LRRC37A2: variants seen among roughly 807,000 people sequenced by gnomAD.
LRRC37A2 encodes leucine rich repeat containing 37 member A2.
LRRC37A2 carries 9 observed loss-of-function variants against 68.8 expected under a neutral mutation model. That is an observed-to-expected ratio of 0.13 (90% CI 0.08 to 0.23). The LOEUF (loss-of-function observed/expected upper bound fraction) is 0.23, where lower values mean the gene tolerates loss of function less well. Ranked by LOEUF, LRRC37A2 falls within the 10% of genes least tolerant of loss-of-function variation. LRRC37A2 has a pLI of 1.00. For synonymous variants in LRRC37A2, 63 were observed against 367.6 expected, an observed-to-expected ratio of 0.17 and a Z score of 9.48; for missense variants, 168 against 950.4, an observed-to-expected ratio of 0.18 and a Z score of 10.82.
chr17:46,996,785 A>G, the LRRC37A2 span, among the ~76,000 whole-genome samples: 1 of 152,246 alleles, frequency 6.6e-6, no homozygotes, highest in Non-Finnish European at 1.5e-5. Flanking sequence ...CGCTGGGATG[A>G]CAGGCATGAG....
the LRRC37A2 span, among the ~76,000 whole-genome samples, chr17:46,737,777 T>C: frequency 6.6e-6 from 1 of 151,942 alleles, no homozygotes; most frequent in Non-Finnish European, 1.5e-5. Context: ...TCACAAATAG[T>C]AGTTTCGGAT....
chr17:46,493,719 AG>A, the LRRC37A2 span, among the ~76,000 whole-genome samples: 1 of 149,586 alleles, frequency 6.7e-6, no homozygotes, highest in African/African-American at 2.5e-5. Flanking sequence ...TTGTATTTTT[AG>A]TAGAGACGGG....
At chr17:46,836,514 A>G in the LRRC37A2 span, among the ~76,000 whole-genome samples, 1 of 152,238 alleles carries the variant, frequency 6.6e-6, no homozygotes, top group African/African-American at 2.4e-5. Flanking sequence ...AGTATGTCAC[A>G]TTGTAAATGT....
chr17:46,403,658 A>G, the LRRC37A2 span, among the ~76,000 whole-genome samples: 7 of 87,690 alleles, frequency 8.0e-5, 1 homozygote, highest in African/African-American at 2.3e-4. Context: ...TGAAGCTGTT[A>G]AAGGCTTTTG....
At chr17:46,852,896 T>G in the LRRC37A2 span, among the ~76,000 whole-genome samples, 8 of 152,060 alleles carry the variant, frequency 5.3e-5, no homozygotes, top group Non-Finnish European at 1.0e-4. Flanking sequence ...AATTTCCAGG[T>G]CATGACCCCT....
the LRRC37A2 span, among the ~76,000 whole-genome samples, chr17:46,708,616 C>G: frequency 6.8e-6 from 1 of 147,302 alleles, no homozygotes; most frequent in Non-Finnish European, 1.5e-5. Flanking sequence ...CTCAGCCTCC[C>G]CAGTAGCTGG....
At chr17:46,848,102 C>A in the LRRC37A2 span, among the ~76,000 whole-genome samples, 1 of 151,980 alleles carries the variant, frequency 6.6e-6, no homozygotes, top group Non-Finnish European at 1.5e-5. Flanking sequence ...TCCAAGAATG[C>A]TTCTCTTGCA....
At chr17:46,946,751 T>C in the LRRC37A2 span, among the ~76,000 whole-genome samples, 1 of 152,094 alleles carries the variant, frequency 6.6e-6, no homozygotes, top group African/African-American at 2.4e-5. Flanking sequence ...TAGTCCCAGC[T>C]ACTTGGGAGG....
At chr17:46,532,772 T>C (rs906115789) in intron 6 of LRRC37A2, among the ~76,000 whole-genome samples, 1 of 148,022 alleles carries the variant, frequency 6.8e-6, no homozygotes, top group African/African-American at 2.6e-5. Flanking sequence ...AGAACAATAG[T>C]AATGTCCCCT....
chr17:46,778,888 G>T, the LRRC37A2 span, among the ~76,000 whole-genome samples: 1 of 152,098 alleles, frequency 6.6e-6, no homozygotes, highest in African/African-American at 2.4e-5. Context: ...CCAGACAGAA[G>T]TCACCTCTCC....
chr17:46,916,402 G>A, the LRRC37A2 span, among the ~76,000 whole-genome samples: 209 of 152,242 alleles, frequency 1.4e-3, no homozygotes, highest in Non-Finnish European at 2.2e-3. Context: ...GGAAGGCAGG[G>A]GTGCAGTCAA....
At chr17:46,870,904 C>CTTTTTTTTTTTTTTTTTTTTTTTTT in the LRRC37A2 span, among the ~76,000 whole-genome samples, 2 of 78,386 alleles carry the variant, frequency 2.6e-5, no homozygotes, top group African/African-American at 1.0e-4. Context: ...TCCACCTTTG[C>CTTTTTTTTTTTTTTTTTTTTTTTTT]TTTTTTTTTT....
At chr17:47,012,013 T>C in the LRRC37A2 span, among the ~76,000 whole-genome samples, 1 of 152,184 alleles carries the variant, frequency 6.6e-6, no homozygotes, top group African/African-American at 2.4e-5. Flanking sequence ...CCCTATAAGA[T>C]CGTGGACATA....
chr17:46,548,202 C>T, intron 9 of LRRC37A2, 110 bp from the exon 9 acceptor site: 2 of 261,736 alleles, frequency 7.6e-6, no homozygotes, highest in Admixed American at 1.0e-4. Context: ...CTGAATGGCA[C>T]TCGAATGTTT....
chr17:46,382,324 C>G, the LRRC37A2 span, among the ~76,000 whole-genome samples: 14 of 77,036 alleles, frequency 1.8e-4, no homozygotes, highest in Admixed American at 1.7e-3. Context: ...ATTGACTCTT[C>G]TTTGTATTGC....
At chr17:46,982,695 G>A in the LRRC37A2 span, among the ~76,000 whole-genome samples, 1 of 152,174 alleles carries the variant, frequency 6.6e-6, no homozygotes, top group Admixed American at 6.5e-5. Context: ...CCTGGGGGAG[G>A]TGCTGGGGAG....
chr17:46,470,693 TA>T, the LRRC37A2 span, among the ~76,000 whole-genome samples: 46 of 72,292 alleles, frequency 6.4e-4, 10 homozygotes, highest in Admixed American at 1.8e-3. Flanking sequence ...CTGAGAGACG[TA>T]AAAGTGTTGA....
the LRRC37A2 span, chr17:46,755,839 AACAC>A: frequency 2.5e-6 from 4 of 1,611,276 alleles, no homozygotes; most frequent in Non-Finnish European, 2.5e-6. Flanking sequence ...AACTATTTGA[AACAC>A]ACAGTGACCA....
the LRRC37A2 span, among the ~76,000 whole-genome samples, chr17:46,986,421 G>T: frequency 2.0e-5 from 3 of 152,174 alleles, no homozygotes; most frequent in African/African-American, 7.2e-5. Flanking sequence ...TTATAATAAG[G>T]TCCTTCCTTT....
Sources: gnomAD v4.1 joint callset for allele counts (sites outside exome capture counted in the v4.1 genomes callset) on GRCh38, gnomAD v4.1.1 for gene constraint, MANE v1.5 for transcripts, NCBI Gene and HGNC (gene_info 2026-07-23, HGNC 2026-07-21) for gene names.